The following CA1 variants were observed in gnomAD, a reference collection of about 807,000 sequenced individuals.
CA1 encodes carbonic anhydrase 1.
CA1 carries 27 observed loss-of-function variants against 28.8 expected under a neutral mutation model. The observed-to-expected ratio is 0.94, with a 90% CI of 0.69 to 1.29. The LOEUF (loss-of-function observed/expected upper bound fraction) is 1.29. Ranked by LOEUF, CA1 falls within the 50% of genes most tolerant of loss-of-function variation. The pLI is 0.00. For missense variants in CA1, 335 were observed against 310.5 expected (o/e 1.08, Z -0.59); for synonymous variants, 121 against 108.8 (o/e 1.11, Z -0.70).
chr8:85,329,664 A>C (rs1222989679), intron 7 of CA1, 25 bp downstream of exon 7: 2 of 1,594,176 alleles, frequency 1.3e-6, no homozygotes, highest in South Asian at 2.2e-5. Context: ...ACGCATTCCC[A>C]GTTCCCATTC....
intron 1 of CA1, chr8:85,349,710 A>G (rs1809333685): frequency 6.6e-6 from 1 of 152,146 alleles, no homozygotes; most frequent in Non-Finnish European, 1.5e-5. Context: ...AGGGCCTACC[A>G]TTTCCACATT....
intron 1 of CA1, among the ~76,000 whole-genome samples, chr8:85,344,242 AAT>A (rs1809064881): frequency 3.1e-5 from 3 of 96,356 alleles, no homozygotes; most frequent in African/African-American, 1.3e-4. Flanking sequence ...TATAATATAT[AAT>A]TATATATTAT....
At chr8:85,337,242 C>T in intron 3 of CA1, 179 bp from the exon 4 acceptor site, 4 of 618,452 alleles carry the variant, frequency 6.5e-6, no homozygotes, top group Middle Eastern at 2.8e-4. Flanking sequence ...GTATGGTGCA[C>T]CCCTGACTGT....
At chr8:85,358,446 T>G (rs944686351) in intron 1 of CA1, among the ~76,000 whole-genome samples, 1 of 152,218 alleles carries the variant, frequency 6.6e-6, no homozygotes, top group African/African-American at 2.4e-5. Flanking sequence ...GCTTCCCCTC[T>G]TTAGAAGGAA....
chr8:85,338,140 C>A (rs779530546), intron 3 of CA1, 112 bp downstream of exon 3: 25 of 986,664 alleles, frequency 2.5e-5, no homozygotes, highest in Non-Finnish European at 3.9e-5. Flanking sequence ...TACAGCAATG[C>A]TGCACACAAG....
In CA1 at chr8:85,365,539, C is replaced by T. The variant is rs187350104; in HGVS notation, c.-25+12507G>A. On this transcript the variant is annotated intron_variant, in intron 1 of 7. Transcript: ENST00000523022. ...GCCACAGTGTTCTGCACCCGTTCGT[C>T]ACAGAGCTTTTGCTTTAAAATGAGC... Among the ~76,000 whole-genome samples, 64 of 152,328 alleles carry T rather than the reference C, an allele frequency of 4.2e-4. No homozygotes were observed. The East Asian group carries it at 0.01, about 25-fold the overall frequency.
At chr8:85,352,335 A>T (rs2130293231) in intron 1 of CA1, among the ~76,000 whole-genome samples, 1 of 152,286 alleles carries the variant, frequency 6.6e-6, no homozygotes, top group African/African-American at 2.4e-5. Context: ...CCCTCTCTCT[A>T]CTTCCTCAGC....
chr8:85,345,696 G>A (rs1809152476), intron 1 of CA1, among the ~76,000 whole-genome samples: 1 of 152,146 alleles, frequency 6.6e-6, no homozygotes, highest in Non-Finnish European at 1.5e-5. Flanking sequence ...CTCAGGTTGT[G>A]TGGTACATTG....
chr8:85,370,496 A>T (rs1222250385), intron 1 of CA1, among the ~76,000 whole-genome samples: 2 of 152,164 alleles, frequency 1.3e-5, no homozygotes, highest in Non-Finnish European at 2.9e-5. Context: ...AGAAAGAGAT[A>T]TGGGAACTTT....
At chr8:85,329,218 A>G (rs1808296428) in intron 7 of CA1, among the ~76,000 whole-genome samples, 1 of 152,220 alleles carries the variant, frequency 6.6e-6, no homozygotes, top group African/African-American at 2.4e-5. Context: ...AACATGGTAG[A>G]GCAATGAATG....
chr8:85,344,145 A>T (rs1809037399), intron 1 of CA1, among the ~76,000 whole-genome samples: 1 of 135,832 alleles, frequency 7.4e-6, no homozygotes, highest in Non-Finnish European at 1.6e-5. Flanking sequence ...ATATATAATT[A>T]TATATTATAT....
Position 85,328,415 on chromosome 8 carries a change from G to A in CA1, c.*145C>T, listed in dbSNP as rs544049680. 3.7e-6 allele frequency: 2 copies of A among 545,128 alleles called. No homozygotes were observed. Among genetic ancestry groups the A allele is most frequent in the Non-Finnish European group, 6.5e-6 (2 of 307,046 alleles). 33.8% of individuals were successfully genotyped at this position (545,128 alleles called of 1,614,324 possible). ...TTAAGCAGTAAGAACTAAAATTTAA[G>A]TTTCTTAGTTTTACAGATTGATTTG... On this transcript the variant is annotated 3_prime_UTR_variant, in exon 8 of 8. Coordinates refer to ENST00000523022, the MANE Select transcript of CA1 (RefSeq NM_001128831.4).
chr8:85,370,353 A>G (rs1810168411), intron 1 of CA1, among the ~76,000 whole-genome samples: 1 of 152,202 alleles, frequency 6.6e-6, no homozygotes, highest in Non-Finnish European at 1.5e-5. Context: ...TATCATGGGA[A>G]GAGTGAAATT....
chr8:85,332,647 CAA>C lies in CA1; in HGVS notation c.451-97_451-96del. ...GAATTTTTTTTCAATTAACAACTGA[CAA>C]GAGGTAAGGTATTTTCTCTCTGCTT... On this transcript the variant is annotated intron_variant, in intron 5 of 7. Transcript: ENST00000523022. 5.7e-6 allele frequency: 5 copies of C among 870,614 alleles called. 1 individual carries two copies. The highest frequency in any genetic ancestry group is 5.6e-5 in the South Asian group (4 of 72,004). The allele number at this position is 870,614 out of a possible 1,614,324, so 53.9% of individuals were successfully genotyped here. A position where few individuals can be genotyped will look rare whatever the true frequency, so the allele number is the denominator to read the frequency against.
Position 85,329,732 on chromosome 8 carries a change from G to C in CA1, c.626C>G (p.Thr209Ser). The change falls in exon 7 of 8, where the codon ACT (threonine) becomes AGT (serine). Residue 209 changes from threonine to serine, a missense_variant. Physicochemically the swap from Thr to Ser is moderately conservative, Grantham distance 58. Coordinates refer to ENST00000523022, the MANE Select transcript of CA1 (RefSeq NM_001128831.4). ...LTHPPLYESV[T>S]WIICKESISV... ...GATGCTCTCCTTACAGATGATCCAA[G>C]TTACACTCTCATAAAGAGGAGGATG... 1.2e-6 allele frequency: 2 copies of C among 1,609,654 alleles called. No individual in the cohort carries two copies. The highest frequency in any genetic ancestry group is 1.7e-6 in the Non-Finnish European group (2 of 1,177,700).
rs189328188 is a variant in CA1 at position 85,353,698 on chromosome 8, G to A, written c.-24-12039C>T. Among the ~76,000 whole-genome samples, 73 of 150,766 alleles carry A rather than the reference G, an allele frequency of 4.8e-4. 2 individuals are homozygous for A. The highest frequency in any genetic ancestry group is 3.6e-3 in the Admixed American group (55 of 15,152). ...AGTATTTTTTTTTTGGCTTTGCAAC[G>A]TTCTTTTTTATGGCTTGCCATTGTT... is the stretch of plus-strand genomic sequence containing the variant. On this transcript the variant is annotated intron_variant, in intron 1 of 7. Coordinates refer to ENST00000523022, the MANE Select transcript of CA1 (RefSeq NM_001128831.4).
chr8:85,359,328 T>C (rs957507895), intron 1 of CA1, among the ~76,000 whole-genome samples: 1 of 152,146 alleles, frequency 6.6e-6, no homozygotes, highest in Non-Finnish European at 1.5e-5. Flanking sequence ...TCTGAGCACA[T>C]GAAACATCCA....
At chr8:85,366,652 A>T (rs1463241387) in intron 1 of CA1, among the ~76,000 whole-genome samples, 1 of 152,250 alleles carries the variant, frequency 6.6e-6, no homozygotes, top group Non-Finnish European at 1.5e-5. Context: ...AGTAATTGGA[A>T]ATAAATGTGC....
intron 1 of CA1, among the ~76,000 whole-genome samples, chr8:85,376,411 C>T (rs1029843246): frequency 2.0e-5 from 3 of 151,912 alleles, no homozygotes; most frequent in Non-Finnish European, 2.9e-5. Flanking sequence ...CCTATAATCC[C>T]AGCACTTTGG....
Sources: gnomAD v4.1 joint callset for allele counts (sites outside exome capture counted in the v4.1 genomes callset) on GRCh38, gnomAD v4.1.1 for gene constraint, MANE v1.5 for transcripts, NCBI Gene and HGNC (gene_info 2026-07-23, HGNC 2026-07-21) for gene names.